Variants in SATB2 observed in about 807,000 individuals in gnomAD.
The protein encoded by SATB2 is DNA-binding protein SATB2.
Under a neutral mutation model 73.4 loss-of-function variants are expected in SATB2, and 1 was observed. The ratio of observed to expected loss-of-function variants is 0.01; its 90% CI spans 0.00 to 0.06. SATB2 has a LOEUF of 0.06. Among genes scored for constraint, SATB2 ranks in the 10% least tolerant of loss-of-function variants. The pLI is 1.00. For synonymous variants in SATB2, 397 were observed against 367.0 expected (o/e 1.08, Z -0.93); for missense variants, 459 against 945.8 (o/e 0.49, Z 6.75).
At chr2:199,342,115 C>T (rs541507709) in intron 7 of SATB2, among the ~76,000 whole-genome samples, 3 of 152,160 alleles carry the variant, frequency 2.0e-5, no homozygotes, top group South Asian at 4.1e-4. Flanking sequence ...GAGATGTTAA[C>T]GGAAAAGCCT....
chr2:199,394,263 T>C (rs554213466), intron 3 of SATB2, among the ~76,000 whole-genome samples: 7 of 152,284 alleles, frequency 4.6e-5, no homozygotes, highest in African/African-American at 1.7e-4. Flanking sequence ...ATAAATTTAA[T>C]TTGCTCAGGA....
At chr2:199,432,534 T>TA (rs1206017716) in intron 3 of SATB2, among the ~76,000 whole-genome samples, 1 of 152,226 alleles carries the variant, frequency 6.6e-6, no homozygotes, top group Non-Finnish European at 1.5e-5. Context: ...ATCTGGAAGT[T>TA]ACGGATTTCT....
At chr2:199,320,273 C>T (rs905665950) in intron 9 of SATB2, among the ~76,000 whole-genome samples, 1 of 152,262 alleles carries the variant, frequency 6.6e-6, no homozygotes, top group Non-Finnish European at 1.5e-5. Context: ...AGAATTACCA[C>T]TGTCATTCTA....
Position 199,349,049 on chromosome 2 carries a change from T to C in SATB2, c.825A>G (p.Gln275=), listed in dbSNP as rs995750176. ...GKTNEQSPHS[Q]IHHSTPIRNQ... ...TTCGGATTGGAGTACTGTGGTGAAT[T>C]TGGCTGTGAGGAGACTGTTCGTTGG... The change falls in exon 7 of 11, where the codon CAA becomes CAG. Residue 275 remains glutamine (Q), a synonymous_variant. Transcript: ENST00000417098. 6.2e-7 allele frequency: 1 copy of C among 1,614,114 alleles called. No individual in the cohort carries two copies. The highest frequency in any genetic ancestry group is 8.5e-7 in the Non-Finnish European group (1 of 1,179,980).
intron 3 of SATB2, among the ~76,000 whole-genome samples, chr2:199,394,467 A>C (rs1041962065): frequency 2.6e-5 from 4 of 152,122 alleles, no homozygotes; most frequent in Non-Finnish European, 5.9e-5. Context: ...TATGAGAGCT[A>C]ATACTGTAGA....
Position 199,308,690 on chromosome 2 carries a change from G to T in SATB2, c.1740+70C>A. 1 of 1,355,808 alleles carries T rather than the reference G, an allele frequency of 7.4e-7. No individual in the cohort carries two copies. The highest frequency in any genetic ancestry group is 1.1e-6 in the Non-Finnish European group (1 of 952,066). The allele number at this position is 1,355,808 out of a possible 1,614,324, so 84.0% of individuals were successfully genotyped here. ...GAAGTTGGTGTGGTGTGTGCCACTT[G>T]GACCCTCAGCAGCTACTGCTGGCAC... On this transcript the variant is annotated intron_variant, in intron 10 of 10. Transcript: ENST00000417098. The surrounding 1 kb of genome is among the most constrained non-coding windows in gnomAD (Gnocchi z 4.6).
chr2:199,407,211 G>A (rs947848525), intron 3 of SATB2, among the ~76,000 whole-genome samples: 7 of 150,688 alleles, frequency 4.6e-5, no homozygotes, highest in African/African-American at 1.2e-4. Context: ...ACTTGAACCC[G>A]GGAGGCAGAG....
chr2:199,435,979 T>C (rs1691640333), intron 2 of SATB2, among the ~76,000 whole-genome samples: 1 of 152,208 alleles, frequency 6.6e-6, no homozygotes, highest in African/African-American at 2.4e-5. Context: ...ATATAGTCCA[T>C]GGTGCCATAA....
At chr2:199,331,216 GTT>G (rs55641518) in intron 7 of SATB2, among the ~76,000 whole-genome samples, 3 of 146,500 alleles carry the variant, frequency 2.0e-5, no homozygotes, top group Non-Finnish European at 4.5e-5. Context: ...TTTGTTTCTT[GTT>G]TTTTTTTTTC....
At chr2:199,397,009 AAAG>A (rs1335445093) in intron 3 of SATB2, 8 of 152,180 alleles carry the variant, frequency 5.3e-5, no homozygotes, top group East Asian at 1.9e-4. Flanking sequence ...CTGTTTACCT[AAAG>A]AAGAATAACA....
intron 3 of SATB2, among the ~76,000 whole-genome samples, chr2:199,420,144 T>C (rs1691121382): frequency 6.6e-6 from 1 of 152,202 alleles, no homozygotes; most frequent in Admixed American, 6.5e-5. Context: ...ACTTGCTGTG[T>C]ACCCTGGGGT....
chr2:199,281,392 C>G (rs1692489719), intron 10 of SATB2, among the ~76,000 whole-genome samples: 1 of 151,888 alleles, frequency 6.6e-6, no homozygotes, highest in Non-Finnish European at 1.5e-5. Flanking sequence ...GTCTGTCCCT[C>G]TATGACAAGC....
At chr2:199,395,444 G>T (rs1475336290) in intron 3 of SATB2, among the ~76,000 whole-genome samples, 1 of 152,128 alleles carries the variant, frequency 6.6e-6, no homozygotes, top group African/African-American at 2.4e-5. Flanking sequence ...AAGTTAAAAT[G>T]CCCATGAACA....
chr2:199,443,729 A>G (rs1691887604), intron 2 of SATB2, among the ~76,000 whole-genome samples: 1 of 152,338 alleles, frequency 6.6e-6, no homozygotes, highest in South Asian at 2.1e-4. Flanking sequence ...CTCAGCCATT[A>G]AAAGCCACTC....
chr2:199,442,423 C>T (rs1200874585), intron 2 of SATB2, among the ~76,000 whole-genome samples: 1 of 152,218 alleles, frequency 6.6e-6, no homozygotes, highest in African/African-American at 2.4e-5. Context: ...AAGTGGCATG[C>T]TGCACCATGC....
intron 9 of SATB2, among the ~76,000 whole-genome samples, chr2:199,312,465 A>C (rs1030080236): frequency 6.6e-6 from 1 of 152,204 alleles, no homozygotes; most frequent in African/African-American, 2.4e-5. Context: ...CATAGCTAGG[A>C]ATGTAGAAGG....
At chr2:199,380,623 G>C in intron 4 of SATB2, 136 bp from the exon 5 acceptor site, 2 of 1,123,850 alleles carry the variant, frequency 1.8e-6, no homozygotes, top group Non-Finnish European at 2.6e-6. Flanking sequence ...TCTAAGTGAA[G>C]GAAGGGAAGT....
At chr2:199,409,235 T>C (rs1303450686) in intron 3 of SATB2, among the ~76,000 whole-genome samples, 2 of 128,362 alleles carry the variant, frequency 1.6e-5, no homozygotes, top group African/African-American at 5.4e-5. Flanking sequence ...AATGGCACCA[T>C]CTCAGCTCAC....
chr2:199,390,924 A>G lies in SATB2; in HGVS notation c.347-9104T>C, dbSNP rs141075624. On this transcript the variant is annotated intron_variant, in intron 3 of 10. Coordinates refer to ENST00000417098, the MANE Select transcript of SATB2 (RefSeq NM_001172509.2). ...TACATAATACCTAATCTTAGGGGCA[A>G]TATTATGATGGCATGTAGATTATCA... Among the ~76,000 whole-genome samples the G allele has an allele frequency of 9.2e-5, 14 of 152,280 alleles. No individual in the cohort carries two copies. In the East Asian group the frequency reaches 2.7e-3, roughly 29 times the overall value.
Sources: allele counts gnomAD v4.1 joint callset (sites outside exome capture counted in the v4.1 genomes callset), GRCh38; gene constraint gnomAD v4.1.1; non-coding constraint Gnocchi (gnomAD v3.1); transcripts MANE v1.5; gene names NCBI Gene and HGNC (gene_info 2026-07-23, HGNC 2026-07-21).